The following AFDN variants were observed in gnomAD, a reference collection of about 807,000 sequenced individuals.
AFDN encodes the protein afadin.
In AFDN, 68 loss-of-function variants were observed where a neutral mutation model predicts 216.6. The ratio of observed to expected loss-of-function variants is 0.31; its 90% CI spans 0.26 to 0.38. The LOEUF (loss-of-function observed/expected upper bound fraction) is 0.38, where lower values mean the gene tolerates loss of function less well. AFDN is among the 10% of genes least tolerant of loss of function. The pLI is 1.00. For missense variants in AFDN, 2,136 were observed against 2,342.0 expected, an observed-to-expected ratio of 0.91 and a Z score of 1.82; for synonymous variants, 868 against 853.7, an observed-to-expected ratio of 1.02 and a Z score of -0.29.
intron 33 of AFDN, 51 bp from the exon 34 acceptor site, chr6:167,969,731 C>T: frequency 1.9e-6 from 3 of 1,540,170 alleles, no homozygotes; most frequent in Non-Finnish European, 2.6e-6. Flanking sequence ...TAATTGTTGA[C>T]AGGTTGTTTC....
intron 1 of AFDN, among the ~76,000 whole-genome samples, chr6:167,858,501 T>C (rs1276762121): frequency 2.0e-5 from 3 of 152,208 alleles, no homozygotes; most frequent in East Asian, 3.8e-4. Context: ...TGTTCTTTGC[T>C]TGGAAGATGA....
chr6:167,851,547 A>G (rs1782308575), intron 1 of AFDN, among the ~76,000 whole-genome samples: 2 of 152,226 alleles, frequency 1.3e-5, no homozygotes, highest in African/African-American at 2.4e-5. Flanking sequence ...AGTAATATTT[A>G]TCAAGTGCCT....
chr6:167,836,635 G>A lies in AFDN; in HGVS notation c.105+9398G>A, dbSNP rs528448359. Among the ~76,000 whole-genome samples, 172 of 152,260 alleles carry A rather than the reference G, an allele frequency of 1.1e-3. 2 individuals are homozygous for A. Among genetic ancestry groups the A allele is most frequent in the African/African-American group, 4.1e-3 (171 of 41,578 alleles). Reference sequence around the variant, plus strand: ...TTTTATTTCTACGTAGTGGCACCTTGTTTTGCACAAAATATATTGTGTTGT... The same window carrying A: ...TTTTATTTCTACGTAGTGGCACCTTATTTTGCACAAAATATATTGTGTTGT... On this transcript the variant is annotated intron_variant, in intron 1 of 33. Transcript: ENST00000683244.
intron 27 of AFDN, among the ~76,000 whole-genome samples, chr6:167,947,336 C>T (rs183420776): frequency 4.6e-5 from 7 of 152,056 alleles, no homozygotes; most frequent in Non-Finnish European, 7.4e-5. Context: ...CCCACCACCA[C>T]GCCCGGCTAA....
At chr6:167,855,749 T>C (rs1782822262) in intron 1 of AFDN, among the ~76,000 whole-genome samples, 1 of 152,124 alleles carries the variant, frequency 6.6e-6, no homozygotes, top group African/African-American at 2.4e-5. Flanking sequence ...CCTGAATGTT[T>C]AGACAAGGGC....
chr6:167,963,318 C>G, intron 31 of AFDN: 2 of 1,061,806 alleles, frequency 1.9e-6, no homozygotes, highest in South Asian at 4.6e-5. Context: ...CCCGAGGGGA[C>G]TGCGTGTTGC....
intron 30 of AFDN, chr6:167,952,429 T>C (rs1372158738): frequency 1.0e-6 from 1 of 985,332 alleles, no homozygotes; most frequent in Non-Finnish European, 1.2e-6. Flanking sequence ...TGGAACTTGA[T>C]TGTTTTCATT....
intron 19 of AFDN, 120 bp from the exon 20 acceptor site, chr6:167,916,969 T>G: frequency 1.2e-6 from 1 of 858,250 alleles, no homozygotes; most frequent in Non-Finnish European, 1.7e-6. Context: ...TTTCCTGAAA[T>G]CATTCTGCAT....
At position 167,951,496 on chromosome 6, in the gene AFDN, A is replaced by G; in HGVS notation, c.4142A>G (p.His1381Arg). 5 of 1,613,846 alleles carry G rather than the reference A, an allele frequency of 3.1e-6. No homozygotes were observed. Among genetic ancestry groups the G allele is most frequent in the Non-Finnish European group, 3.4e-6 (4 of 1,179,942 alleles). Residue 1381 changes from histidine (H) to arginine (R), a missense_variant, in exon 30 of 34, where the codon CAC (histidine) becomes CGC (arginine). By Grantham distance (29) the His-to-Arg change is conservative. Around this residue, in one of 8 missense-constraint regions of AFDN, gnomAD observed 981 missense variants for 966.0 expected, o/e 1.02. Transcript: ENST00000683244. The surrounding 1 kb of genome is among the most constrained non-coding windows in gnomAD (Gnocchi z 7.1). ...LPPPPPPPPV[H>R]YAGDFDGMSM... ...CCGCCACCCCCGCCACCTCCAGTCC[A>G]CTATGCCGGTGATTTCGATGGAATG...
chr6:167,969,230 A>T (rs374567997), intron 33 of AFDN, 32 bp downstream of exon 33: 2 of 1,522,994 alleles, frequency 1.3e-6, no homozygotes, highest in African/African-American at 2.7e-5. Context: ...GAGGAACTTC[A>T]TCTGTACCTG....
chr6:167,892,340 G>A (rs1183824404), intron 8 of AFDN, among the ~76,000 whole-genome samples: 2 of 152,204 alleles, frequency 1.3e-5, no homozygotes, highest in African/African-American at 4.8e-5. Flanking sequence ...ATGTGTGTGA[G>A]AGCATTGATG....
chr6:167,870,096 G>A (rs777924922), intron 2 of AFDN, among the ~76,000 whole-genome samples: 15 of 152,088 alleles, frequency 9.9e-5, no homozygotes, highest in Non-Finnish European at 4.4e-5. Flanking sequence ...CAAAAACCAT[G>A]TATACTTTTT....
At chr6:167,840,185 A>G (rs1780906405) in intron 1 of AFDN, among the ~76,000 whole-genome samples, 2 of 152,188 alleles carry the variant, frequency 1.3e-5, no homozygotes, top group Non-Finnish European at 2.9e-5. Context: ...GAATCCTGAA[A>G]AATTTGTAGG....
intron 26 of AFDN, among the ~76,000 whole-genome samples, chr6:167,945,726 A>G (rs926410355): frequency 2.6e-5 from 4 of 152,206 alleles, no homozygotes; most frequent in Non-Finnish European, 5.9e-5. Context: ...CATGACTGTA[A>G]TTCACTTAAA....
chr6:167,949,578 T>G (rs1795729608), intron 29 of AFDN, among the ~76,000 whole-genome samples: 1 of 152,196 alleles, frequency 6.6e-6, no homozygotes, highest in Admixed American at 6.5e-5. Flanking sequence ...CGGCCCAGTC[T>G]TGGGAGTTTT....
intron 20 of AFDN, among the ~76,000 whole-genome samples, chr6:167,917,903 T>G (rs949327451): frequency 1.3e-5 from 2 of 152,214 alleles, no homozygotes; most frequent in Non-Finnish European, 2.9e-5. Context: ...TTACAACAAC[T>G]GGGATGAACA....
intron 1 of AFDN, among the ~76,000 whole-genome samples, chr6:167,861,999 G>A (rs772691984): frequency 6.6e-6 from 1 of 152,208 alleles, no homozygotes; most frequent in Non-Finnish European, 1.5e-5. Flanking sequence ...GAATATTTTA[G>A]AGACTATTAG....
intron 2 of AFDN, among the ~76,000 whole-genome samples, chr6:167,869,962 G>A (rs1419032615): frequency 6.6e-6 from 1 of 152,048 alleles, no homozygotes; most frequent in Non-Finnish European, 1.5e-5. Flanking sequence ...TTTGTGTGGG[G>A]TATAACATTA....
In AFDN at chr6:167,898,369, C is replaced by T. The variant is rs750748532; in HGVS notation, c.1482C>T (p.Ser494=). ...GCATGAAAGTGCAGTTTGGGGCGTC[C>T]CATGTATTTAAGTTTGTGGACCCCA... ...QSGMKVQFGA[S]HVFKFVDPSQ... is the part of the protein sequence containing the mutation. The change falls in exon 11 of 34, where the codon TCC becomes TCT. Residue 494 remains serine, a synonymous_variant. Transcript: ENST00000683244. 4 of 1,614,104 alleles carry T rather than the reference C, an allele frequency of 2.5e-6. No homozygotes were observed. In the East Asian group the frequency reaches 8.9e-5, roughly 36 times the overall value.
Sources: gnomAD v4.1 joint callset for allele counts (sites outside exome capture counted in the v4.1 genomes callset) on GRCh38, gnomAD v4.1.1 for gene constraint, gnomAD v4.1.1 regional missense constraint, Gnocchi (gnomAD v3.1) non-coding constraint, MANE v1.5 for transcripts, NCBI Gene and HGNC (gene_info 2026-07-23, HGNC 2026-07-21) for gene names.